The following TEX35 variants were observed in gnomAD, a reference collection of about 807,000 sequenced individuals.
TEX35 encodes testis-expressed protein 35.
Under a neutral mutation model 31.9 loss-of-function variants are expected in TEX35, and 26 were observed. That is an observed-to-expected ratio of 0.81 (90% CI 0.60 to 1.13). TEX35 has a LOEUF of 1.13. Among genes scored for constraint, TEX35 ranks in the 50% most tolerant of loss-of-function variants. The pLI is 0.00. For missense variants in TEX35, 278 were observed against 273.5 expected (o/e 1.02, Z -0.12); for synonymous variants, 87 against 90.7 (o/e 0.96, Z 0.23).
In TEX35 at chr1:178,516,624, C is replaced by A. The variant is rs1363308210; in HGVS notation, c.226C>A (p.Leu76Ile). The change falls in exon 5 of 9, where the codon CTA (leucine) becomes ATA (isoleucine). Residue 76 changes from leucine (L) to isoleucine (I), a missense_variant. By Grantham distance (5) the Leu-to-Ile change is conservative. Transcript: ENST00000319416. ...KMEEIKQIKD[L>I]MDKDFDKLHE... ...CTTTCTTCCTTGTTAGATAAAGGAT[C>A]TAATGGACAAGGATTTTGATAAACT... 6.2e-7 allele frequency: 1 copy of A among 1,613,284 alleles called. No individual in the cohort carries two copies. The highest frequency in any genetic ancestry group is 8.5e-7 in the Non-Finnish European group (1 of 1,179,384).
rs1312811856 is a variant in TEX35 at position 178,522,463 on chromosome 1, G to T, written c.*23G>T. On this transcript the variant is annotated 3_prime_UTR_variant, in exon 9 of 9. Coordinates refer to ENST00000319416, the MANE Select transcript of TEX35 (RefSeq NM_032126.5). ...TGAAGCTTAACTGCCAGCTTGAAAT[G>T]AGAGTAAAGAAGATACAGAGCAAAC... 6.4e-7 allele frequency: 1 copy of T among 1,566,610 alleles called. No individual in the cohort carries two copies. The highest frequency in any genetic ancestry group is 1.2e-5 in the South Asian group (1 of 85,124).
intron 5 of TEX35, 42 bp downstream of exon 5, chr1:178,516,716 T>G (rs1464568549): frequency 7.0e-7 from 1 of 1,421,330 alleles, no homozygotes; most frequent in Non-Finnish European, 9.8e-7. Flanking sequence ...AGTACCATAC[T>G]GGAAACTGTG....
At chr1:178,523,465 A>G (rs538932894), downstream of TEX35, 1 of 486,696 alleles carries the variant, frequency 2.1e-6, no homozygotes, top group Admixed American at 3.7e-5. Context: ...AATGGCTGCA[A>G]ATTAATGAGC....
At chr1:178,523,162 TTG>T (rs1650343497), downstream of TEX35, 16 of 569,448 alleles carry the variant, frequency 2.8e-5, no homozygotes, top group Admixed American at 1.1e-4. Context: ...TAGAACTCAA[TTG>T]TGTGTGTGTA....
At chr1:178,521,505 C>T (rs999561538) in intron 8 of TEX35, 7 of 1,130,988 alleles carry the variant, frequency 6.2e-6, no homozygotes, top group Non-Finnish European at 9.2e-6. Context: ...GAGGGTGCAC[C>T]ACTAGTGGCG....
downstream of TEX35, chr1:178,523,164 G>A: frequency 1.8e-6 from 1 of 570,342 alleles, no homozygotes; most frequent in Non-Finnish European, 3.2e-6. Flanking sequence ...GAACTCAATT[G>A]TGTGTGTGTA....
In TEX35 at chr1:178,522,558, G is replaced by T; in HGVS notation, c.*118G>T. 7.6e-7 allele frequency: 1 copy of T among 1,318,054 alleles called. No homozygotes were observed. Among genetic ancestry groups the T allele is most frequent in the Non-Finnish European group, 9.7e-7 (1 of 1,027,882 alleles). 81.6% of individuals were successfully genotyped at this position (1,318,054 alleles called of 1,614,324 possible). A position where few individuals can be genotyped will look rare whatever the true frequency, so the allele number is the denominator to read the frequency against. On this transcript the variant is annotated 3_prime_UTR_variant, in exon 9 of 9. Coordinates refer to ENST00000319416, the MANE Select transcript of TEX35 (RefSeq NM_032126.5). ...CAATTTGAAGGACGAGGAATGATGG[G>T]ATTTCATATTTTATTTCACACCAGT...
At chr1:178,521,067 G>T in intron 7 of TEX35, 155 bp from the exon 8 acceptor site, 2 of 1,565,366 alleles carry the variant, frequency 1.3e-6, no homozygotes, top group South Asian at 2.4e-5. Flanking sequence ...CCTTAGCTGT[G>T]ACCATGCAGG....
At chr1:178,517,356 C>A (rs1650115262) in intron 5 of TEX35, among the ~76,000 whole-genome samples, 1 of 152,190 alleles carries the variant, frequency 6.6e-6, no homozygotes, top group African/African-American at 2.4e-5. Context: ...TTTAAAACTC[C>A]ATTTACTTAG....
chr1:178,520,387 A>G lies in TEX35; in HGVS notation c.292A>G (p.Met98Val), dbSNP rs1650221084. 1.9e-6 allele frequency: 3 copies of G among 1,613,918 alleles called. No homozygotes were observed. Among genetic ancestry groups the G allele is most frequent in the East Asian group, 2.2e-5 (1 of 44,898 alleles). The change falls in exon 6 of 9, where the codon ATG (methionine) becomes GTG (valine). Residue 98 changes from methionine (M) to valine (V), a missense_variant. By Grantham distance (21) the Met-to-Val change is conservative. Coordinates refer to ENST00000319416, the MANE Select transcript of TEX35 (RefSeq NM_032126.5). ...TCTCTCGAAGGAAATGCAGAAAGAT[A>G]TGGATGAGAAGATGGACATTTTAAT... Reference protein sequence around the residue: ...VEIMKEMQKDMDEKMDILINT... With the variant: ...VEIMKEMQKDVDEKMDILINT...
At position 178,513,250 on chromosome 1, in the gene TEX35, C is replaced by T. The variant is rs1649940128; in HGVS notation, c.39+23C>T. 3 of 1,613,980 alleles carry T rather than the reference C, an allele frequency of 1.9e-6. No individual in the cohort carries two copies. In the African/African-American group the frequency reaches 4.0e-5, roughly 22 times the overall value. ...CTGGTAAAAGAGAGACATTGCTGGACAGTGTGGGTCCTCTCTGAGCTCCTA... is the reference window on the plus strand; with the variant it reads ...CTGGTAAAAGAGAGACATTGCTGGATAGTGTGGGTCCTCTCTGAGCTCCTA... On this transcript the variant is annotated intron_variant, in intron 1 of 8. Transcript: ENST00000319416.
At chr1:178,513,985 C>T in intron 1 of TEX35, 42 bp from the exon 2 acceptor site, 1 of 1,607,848 alleles carries the variant, frequency 6.2e-7, no homozygotes, top group Non-Finnish European at 8.5e-7. Flanking sequence ...CTCCCCAATC[C>T]TGATGTCTGC....
downstream of TEX35, chr1:178,523,287 T>C (rs1650345713): frequency 7.1e-6 from 5 of 701,616 alleles, no homozygotes; most frequent in African/African-American, 3.5e-5. Flanking sequence ...AATATGCTGA[T>C]TTTCTTTCTT....
intron 6 of TEX35, 61 bp from the exon 7 acceptor site, chr1:178,520,612 C>A: frequency 6.3e-7 from 1 of 1,595,514 alleles, no homozygotes; most frequent in African/African-American, 1.3e-5. Flanking sequence ...CTGGTTATCT[C>A]CTTGTCATGC....
intron 3 of TEX35, 43 bp downstream of exon 3, chr1:178,514,811 G>C (rs760209874): frequency 6.4e-7 from 1 of 1,554,748 alleles, no homozygotes; most frequent in Admixed American, 1.7e-5. Flanking sequence ...TCCAAACCAC[G>C]TGAGTGTAAG....
chr1:178,520,863 G>A lies in TEX35; in HGVS notation c.532G>A (p.Gly178Arg), dbSNP rs778823356. 1.2e-6 allele frequency: 2 copies of A among 1,614,136 alleles called. No homozygotes were observed. Among genetic ancestry groups the A allele is most frequent in the East Asian group, 2.2e-5 (1 of 44,874 alleles). The change falls in exon 7 of 9, where the codon GGG becomes AGG. Residue 178 changes from glycine (G) to arginine (R), a missense_variant. Gly to Arg is a moderately radical substitution (Grantham distance 125, BLOSUM62 -2). Coordinates refer to ENST00000319416, the MANE Select transcript of TEX35 (RefSeq NM_032126.5). ...QGSLDPLHHCGTCCEKCLLCA... is the reference protein window; with the variant it reads ...QGSLDPLHHCRTCCEKCLLCA... ...CTCACTGGATCCCCTTCATCACTGT[G>A]GGACCTGCTGCGTAAGTGAAACCCT...
At chr1:178,520,931 C>T (rs764381558) in intron 7 of TEX35, 57 bp downstream of exon 7, 7 of 1,602,518 alleles carry the variant, frequency 4.4e-6, no homozygotes, top group South Asian at 3.3e-5. Context: ...CTCCGGCTCC[C>T]TGGTGACTTC....
chr1:178,518,861 G>A (rs948055081), intron 5 of TEX35, among the ~76,000 whole-genome samples: 36 of 152,166 alleles, frequency 2.4e-4, no homozygotes, highest in African/African-American at 8.7e-4. Flanking sequence ...CCCTTAAGCA[G>A]GGCAGGAGGC....
chr1:178,520,983 C>A, intron 7 of TEX35, 109 bp downstream of exon 7: 2 of 1,554,640 alleles, frequency 1.3e-6, no homozygotes, highest in Non-Finnish European at 8.7e-7. Context: ...CAGGTCCGCC[C>A]GCTGCTGACT....
Sources: gnomAD v4.1 joint callset for allele counts (sites outside exome capture counted in the v4.1 genomes callset) on GRCh38, gnomAD v4.1.1 for gene constraint, MANE v1.5 for transcripts, NCBI Gene and HGNC (gene_info 2026-07-23, HGNC 2026-07-21) for gene names.